CELF2: variants seen among roughly 807,000 people sequenced by gnomAD.
CELF2 encodes CUG triplet repeat RNA-binding protein 2.
CELF2 carries 8 observed loss-of-function variants against 62.6 expected under a neutral mutation model. The observed-to-expected ratio is 0.13, with a 90% CI of 0.07 to 0.23. The LOEUF (loss-of-function observed/expected upper bound fraction) is 0.23. Among genes scored for constraint, CELF2 ranks in the 10% least tolerant of loss-of-function variants. The pLI is 1.00. For synonymous variants in CELF2, 258 were observed against 250.0 expected (o/e 1.03, Z -0.30); for missense variants, 333 against 671.0 (o/e 0.50, Z 5.56).
At chr10:11,086,610 A>AAAAAAAAAC (rs1594927416) in intron 1 of CELF2, among the ~76,000 whole-genome samples, 1 of 134,484 alleles carries the variant, frequency 7.4e-6, no homozygotes, top group Non-Finnish European at 1.6e-5. Context: ...AAAAAAAAAA[A>AAAAAAAAAC]CTCCCGACAG....
chr10:10,559,314 T>C, the CELF2 span, among the ~76,000 whole-genome samples: 227 of 152,320 alleles, frequency 1.5e-3, 3 homozygotes, highest in African/African-American at 5.1e-3. Context: ...TTGGTAGCCA[T>C]CTGGTTTTGA....
the CELF2 span, among the ~76,000 whole-genome samples, chr10:10,680,742 C>G: frequency 4.6e-5 from 7 of 152,216 alleles, no homozygotes; most frequent in Admixed American, 3.3e-4. Context: ...ACACTCATAT[C>G]AAACAGGACA....
At chr10:10,811,155 G>A (rs1488018591) in intron 1 of CELF2, among the ~76,000 whole-genome samples, 1 of 152,208 alleles carries the variant, frequency 6.6e-6, no homozygotes, top group Non-Finnish European at 1.5e-5. Context: ...TCCTGTTCAA[G>A]GATCTCATGG....
Position 11,328,813 on chromosome 10 carries a change from G to A in CELF2, c.1439-113G>A, listed in dbSNP as rs993669703. 1.5e-5 allele frequency: 19 copies of A among 1,258,334 alleles called. No individual in the cohort carries two copies. The East Asian group carries it at 2.0e-4, about 13-fold the overall frequency. The allele number at this position is 1,258,334 out of a possible 1,614,324, so 77.9% of individuals were successfully genotyped here. ...AGTTCCGCAGAGCTGTGCTGGGCCC[G>A]TGGGGCTGGCACCTCATGCTGGCTC... On this transcript the variant is annotated intron_variant, in intron 12 of 12. Coordinates refer to ENST00000633077, the MANE Select transcript of CELF2 (RefSeq NM_001326342.2). This position sits in a 1 kb window ranked among gnomAD's most constrained non-coding sequence, Gnocchi z 6.4.
chr10:10,779,391 G>A, the CELF2 span, among the ~76,000 whole-genome samples: 3 of 152,178 alleles, frequency 2.0e-5, no homozygotes, highest in East Asian at 5.8e-4. Flanking sequence ...CTCAAGCCAG[G>A]GCCGGATCAG....
intron 7 of CELF2, among the ~76,000 whole-genome samples, chr10:11,273,381 C>T (rs1304764337): frequency 1.3e-5 from 2 of 152,162 alleles, no homozygotes; most frequent in Non-Finnish European, 2.9e-5. Context: ...ACTGCACATG[C>T]TGAAGGGTCT....
chr10:11,032,440 TAAAA>T (rs983971601), intron 1 of CELF2, among the ~76,000 whole-genome samples: 2 of 152,084 alleles, frequency 1.3e-5, no homozygotes, highest in African/African-American at 4.8e-5. Flanking sequence ...CCTAAAAAAA[TAAAA>T]ATAAGAGAAT....
At chr10:11,120,667 C>A (rs951805757) in intron 1 of CELF2, among the ~76,000 whole-genome samples, 1 of 152,190 alleles carries the variant, frequency 6.6e-6, no homozygotes, top group Non-Finnish European at 1.5e-5. Context: ...CCTGAAAGAG[C>A]CTTTGCTGTT....
the CELF2 span, among the ~76,000 whole-genome samples, chr10:10,677,258 G>A: frequency 1.6e-4 from 25 of 152,284 alleles, no homozygotes; most frequent in African/African-American, 5.1e-4. Flanking sequence ...TGGGTCTTAC[G>A]CTTGTGGACA....
chr10:10,805,196 G>A (rs1407666342), intron 1 of CELF2, among the ~76,000 whole-genome samples: 5 of 152,194 alleles, frequency 3.3e-5, no homozygotes, highest in African/African-American at 1.2e-4. Context: ...TAAAGTTCCG[G>A]TCACTCATCC....
chr10:10,595,887 T>C, the CELF2 span, among the ~76,000 whole-genome samples: 28 of 152,062 alleles, frequency 1.8e-4, no homozygotes, highest in East Asian at 1.2e-3. Flanking sequence ...CAGAGTGAGA[T>C]TCCATCTTTA....
At chr10:11,053,078 A>T (rs932995583) in intron 1 of CELF2, among the ~76,000 whole-genome samples, 1 of 152,196 alleles carries the variant, frequency 6.6e-6, no homozygotes, top group Admixed American at 6.5e-5. Context: ...CCAAGGTTAT[A>T]GCAAAGTAAG....
At chr10:10,483,214 CAAAA>C in the CELF2 span, among the ~76,000 whole-genome samples, 190 of 93,394 alleles carry the variant, frequency 2.0e-3, no homozygotes, top group African/African-American at 7.5e-3. Context: ...GGCAGAATAC[CAAAA>C]AAAAAAAAAA....
At position 11,300,209 on chromosome 10, in the gene CELF2, C is replaced by T. The variant is rs112510658; in HGVS notation, c.976+11657C>T. On this transcript the variant is annotated intron_variant, in intron 9 of 12. Coordinates refer to ENST00000633077, the MANE Select transcript of CELF2 (RefSeq NM_001326342.2). This position sits in a 1 kb window ranked among gnomAD's most constrained non-coding sequence, Gnocchi z 5.5. ...GTGGAAACAGGACAGCTGCTTTGGA[C>T]GTGAGGAGCAGGTGCTGGCCCCTCA... 6.6e-6 allele frequency among the ~76,000 whole-genome samples: 1 copy of T among 152,180 alleles called. No individual in the cohort carries two copies. The highest frequency in any genetic ancestry group is 1.5e-5 in the Non-Finnish European group (1 of 68,026).
intron 2 of CELF2, among the ~76,000 whole-genome samples, chr10:10,978,265 G>A (rs2051605765): frequency 6.6e-6 from 1 of 152,192 alleles, no homozygotes; most frequent in Non-Finnish European, 1.5e-5. Context: ...TTAGCCTAAT[G>A]CTTTGTACAA....
intron 2 of CELF2, among the ~76,000 whole-genome samples, chr10:10,954,164 G>A (rs1354460601): frequency 6.6e-6 from 1 of 150,956 alleles, no homozygotes; most frequent in East Asian, 1.9e-4. Context: ...ACTGTGGATA[G>A]GAGCATAAAT....
chr10:11,025,537 T>G (rs1198121593), intron 1 of CELF2, among the ~76,000 whole-genome samples: 1 of 152,142 alleles, frequency 6.6e-6, no homozygotes, highest in African/African-American at 2.4e-5. Context: ...CTGCCGTGAT[T>G]GTAAGTTTCC....
chr10:10,741,142 T>C, the CELF2 span, among the ~76,000 whole-genome samples: 1 of 152,188 alleles, frequency 6.6e-6, no homozygotes, highest in African/African-American at 2.4e-5. Context: ...TGTTTACCTG[T>C]AGGAACATTT....
chr10:10,807,787 ATAAT>A (rs2055388581), intron 1 of CELF2, among the ~76,000 whole-genome samples: 1 of 152,208 alleles, frequency 6.6e-6, no homozygotes, highest in African/African-American at 2.4e-5. Context: ...AATATATTAA[ATAAT>A]TAATTTTGTT....
Sources: allele counts gnomAD v4.1 joint callset (sites outside exome capture counted in the v4.1 genomes callset), GRCh38; gene constraint gnomAD v4.1.1; non-coding constraint Gnocchi (gnomAD v3.1); transcripts MANE v1.5; gene names NCBI Gene and HGNC (gene_info 2026-07-23, HGNC 2026-07-21).